Variants in SGMS1 observed in about 807,000 individuals in gnomAD.
The protein encoded by SGMS1 is phosphatidylcholine:ceramide cholinephosphotransferase 1.
In SGMS1, 13 loss-of-function variants were observed where a neutral mutation model predicts 46.2. That is an observed-to-expected ratio of 0.28 (90% confidence interval 0.18 to 0.45). The LOEUF is 0.45. Ranked by LOEUF, SGMS1 falls within the 20% of genes least tolerant of loss-of-function variation. The pLI is 1.00. For synonymous variants in SGMS1, 203 were observed against 187.8 expected, an observed-to-expected ratio of 1.08 and a Z score of -0.66; for missense variants, 324 against 519.9, an observed-to-expected ratio of 0.62 and a Z score of 3.66.
intron 7 of SGMS1, among the ~76,000 whole-genome samples, chr10:50,329,261 G>A (rs1443905192): frequency 6.6e-6 from 1 of 152,118 alleles, no homozygotes; most frequent in Non-Finnish European, 1.5e-5. Flanking sequence ...ATCTAAGAAT[G>A]AGGTATAAAA....
At chr10:50,504,196 G>A (rs1199441057) in intron 3 of SGMS1, among the ~76,000 whole-genome samples, 1 of 152,186 alleles carries the variant, frequency 6.6e-6, no homozygotes, top group Non-Finnish European at 1.5e-5. Context: ...AATGCAGGGT[G>A]TGTCATCACC....
At chr10:50,361,488 A>T (rs898570060) in intron 6 of SGMS1, among the ~76,000 whole-genome samples, 1 of 152,226 alleles carries the variant, frequency 6.6e-6, no homozygotes, top group Non-Finnish European at 1.5e-5. Flanking sequence ...TGTGGCAAAC[A>T]GGATAGGGCA....
At chr10:50,392,960 TA>T (rs1848795680) in intron 6 of SGMS1, among the ~76,000 whole-genome samples, 2 of 151,924 alleles carry the variant, frequency 1.3e-5, no homozygotes, top group Admixed American at 6.6e-5. Context: ...CCAATTTGGT[TA>T]AAAAATAATA....
chr10:50,473,099 A>T (rs1035839309), intron 3 of SGMS1, among the ~76,000 whole-genome samples: 4 of 152,164 alleles, frequency 2.6e-5, no homozygotes, highest in African/African-American at 9.7e-5. Flanking sequence ...AACATGTTTA[A>T]CTAAAGTAGT....
chr10:50,429,134 A>T (rs1240142880), intron 6 of SGMS1, among the ~76,000 whole-genome samples: 2 of 152,226 alleles, frequency 1.3e-5, no homozygotes, highest in African/African-American at 4.8e-5. Flanking sequence ...CATTAAGTCG[A>T]ATCATTGTAA....
chr10:50,616,294 GTATT>G (rs150519306), intron 1 of SGMS1, among the ~76,000 whole-genome samples: 3 of 151,498 alleles, frequency 2.0e-5, no homozygotes, highest in Non-Finnish European at 2.9e-5. Flanking sequence ...CTAATTTTAT[GTATT>G]TATTTATTTA....
chr10:50,322,044 C>T (rs1016032214), intron 8 of SGMS1, among the ~76,000 whole-genome samples: 9 of 152,168 alleles, frequency 5.9e-5, no homozygotes, highest in East Asian at 1.9e-4. Flanking sequence ...ATCCACTGAG[C>T]GATCAACCTC....
At chr10:50,575,395 T>C (rs11006183) in intron 2 of SGMS1, among the ~76,000 whole-genome samples, 19,581 of 151,684 alleles carry the variant, frequency 0.13, 1,652 homozygotes, top group Non-Finnish European at 0.19. Context: ...CTCTATAAAA[T>C]AAAAAAATTA....
intron 5 of SGMS1, among the ~76,000 whole-genome samples, chr10:50,442,705 G>A (rs1443559049): frequency 1.3e-5 from 2 of 152,186 alleles, no homozygotes; most frequent in African/African-American, 4.8e-5. Flanking sequence ...TATATACCCA[G>A]TAATGAGATG....
chr10:50,408,449 A>AT (rs1161813846), intron 6 of SGMS1, among the ~76,000 whole-genome samples: 7 of 148,252 alleles, frequency 4.7e-5, no homozygotes, highest in South Asian at 4.3e-4. Flanking sequence ...AAAAAAAAAA[A>AT]AAAAAACAAA....
intron 6 of SGMS1, among the ~76,000 whole-genome samples, chr10:50,361,730 C>A (rs1417223428): frequency 6.6e-6 from 1 of 152,192 alleles, no homozygotes; most frequent in Admixed American, 6.5e-5. Context: ...CCTGGCTCAA[C>A]TGCAACCCTC....
chr10:50,465,088 T>G (rs1327083112), intron 4 of SGMS1, among the ~76,000 whole-genome samples: 1 of 152,056 alleles, frequency 6.6e-6, no homozygotes, highest in Non-Finnish European at 1.5e-5. Context: ...ATAGGTAGGC[T>G]TACACTCCAC....
chr10:50,504,467 T>C (rs1837688067), intron 3 of SGMS1, among the ~76,000 whole-genome samples: 1 of 152,212 alleles, frequency 6.6e-6, no homozygotes, highest in African/African-American at 2.4e-5. Flanking sequence ...TTTTATTTTA[T>C]CTTAATCCCC....
intron 6 of SGMS1, chr10:50,418,094 G>A (rs1451373106): frequency 1.3e-5 from 2 of 152,246 alleles, no homozygotes; most frequent in African/African-American, 4.8e-5. Flanking sequence ...AGTGTCTCCT[G>A]GAAAGTTCCT....
intron 3 of SGMS1, among the ~76,000 whole-genome samples, chr10:50,507,841 T>C (rs1166521147): frequency 1.3e-5 from 2 of 152,158 alleles, no homozygotes; most frequent in Admixed American, 1.3e-4. Flanking sequence ...CTCAGGGGCC[T>C]CAGGCCCCAA....
At position 50,570,236 on chromosome 10, in the gene SGMS1, C is replaced by T. The variant is rs1256866649; in HGVS notation, c.-589+19917G>A. Among the ~76,000 whole-genome samples, 4 of 152,300 alleles carry T rather than the reference C, an allele frequency of 2.6e-5. No individual in the cohort carries two copies. In the South Asian group the frequency reaches 6.2e-4, roughly 24 times the overall value. ...AAAAGCCACACGACAAGCATCTCAA[C>T]GTCTTGGTCTCTCAATACCAAAGGT... On this transcript the variant is annotated intron_variant, in intron 2 of 10. Transcript: ENST00000361781.
chr10:50,564,109 A>G (rs943712742), intron 2 of SGMS1, among the ~76,000 whole-genome samples: 1 of 152,250 alleles, frequency 6.6e-6, no homozygotes, highest in African/African-American at 2.4e-5. Flanking sequence ...ATTAGCACAG[A>G]CTTTAACCAT....
At position 50,344,077 on chromosome 10, in the gene SGMS1, G is replaced by T. The variant is rs1427526628; in HGVS notation, c.38C>A (p.Ala13Glu). The change falls in exon 7 of 11, where the codon GCA becomes GAA. Residue 13 changes from alanine to glutamate, a missense_variant. Physicochemically the swap from Ala to Glu is moderately radical, Grantham distance 107. Transcript: ENST00000361781. ...CATAGCATTCTCCAGCAGCCAGTCT[G>T]CCACCTTCTTGGGTGACCAATAAAC... ...EVVYWSPKKV[A>E]DWLLENAMPE... 1.2e-6 allele frequency: 2 copies of T among 1,613,670 alleles called. No homozygotes were observed. Among genetic ancestry groups the T allele is most frequent in the Admixed American group, 3.3e-5 (2 of 59,982 alleles).
At chr10:50,366,954 T>G (rs1848357251) in intron 6 of SGMS1, among the ~76,000 whole-genome samples, 2 of 152,096 alleles carry the variant, frequency 1.3e-5, no homozygotes, top group Non-Finnish European at 2.9e-5. Flanking sequence ...TGAAGTATAA[T>G]TTTTAAAAAA....
Sources: gnomAD v4.1 joint callset for allele counts (sites outside exome capture counted in the v4.1 genomes callset) on GRCh38, gnomAD v4.1.1 for gene constraint, MANE v1.5 for transcripts, NCBI Gene and HGNC (gene_info 2026-07-23, HGNC 2026-07-21) for gene names.